Variants in RLN2 observed in about 807,000 individuals in gnomAD.
RLN2 encodes the protein prorelaxin H2.
A neutral mutation model predicts 7.3 loss-of-function variants in RLN2; 10 were observed. That is an observed-to-expected ratio of 1.36 (90% CI 0.84 to 2.31). RLN2 has a LOEUF of 2.31. Ranked by LOEUF, RLN2 falls within the 30% of genes most tolerant of loss-of-function variation. The pLI is 0.00. For synonymous variants in RLN2, 103 were observed against 82.3 expected, an observed-to-expected ratio of 1.25 and a Z score of -1.36; for missense variants, 298 against 217.6, an observed-to-expected ratio of 1.37 and a Z score of -2.32.
chr9:5,338,171 A>G, the RLN2 span, among the ~76,000 whole-genome samples: 10 of 109,066 alleles, frequency 9.2e-5, no homozygotes, highest in Non-Finnish European at 1.7e-4. Context: ...ATTAATGTAC[A>G]TTTGTCTTTA....
the RLN2 span, among the ~76,000 whole-genome samples, chr9:5,328,585 G>C: frequency 1.3e-5 from 2 of 151,906 alleles, no homozygotes; most frequent in Non-Finnish European, 1.5e-5. Context: ...TCCTCGAGAA[G>C]AGCAACCCCA....
chr9:5,325,462 C>G, the RLN2 span, among the ~76,000 whole-genome samples: 4 of 151,908 alleles, frequency 2.6e-5, no homozygotes, highest in Non-Finnish European at 5.9e-5. Context: ...CACAATAGAA[C>G]AAACAAGAGA....
At chr9:5,326,513 G>C in the RLN2 span, among the ~76,000 whole-genome samples, 3 of 152,144 alleles carry the variant, frequency 2.0e-5, no homozygotes, top group Admixed American at 2.0e-4. Flanking sequence ...CCAGAGTGTG[G>C]GAGCCTGGGA....
At chr9:5,304,953 CACAGAA>C, upstream of RLN2, 1 of 207,120 alleles carries the variant, frequency 4.8e-6, no homozygotes, top group Non-Finnish European at 9.9e-6. Context: ...CTTTTACACA[CACAGAA>C]ACAAATTTGA....
chr9:5,336,032 G>C, the RLN2 span, among the ~76,000 whole-genome samples: 1,839 of 151,996 alleles, frequency 0.012, 67 homozygotes, highest in African/African-American at 0.043. Context: ...TAGTAACAAC[G>C]CTTGAAAAAG....
chr9:5,335,276 T>C, the RLN2 span: 1 of 1,594,808 alleles, frequency 6.3e-7, no homozygotes, highest in Non-Finnish European at 8.5e-7. Context: ...AAGAGACCTT[T>C]TGGTACAACC....
the RLN2 span, among the ~76,000 whole-genome samples, chr9:5,317,585 C>A: frequency 1.5e-4 from 22 of 151,044 alleles, no homozygotes; most frequent in East Asian, 2.9e-3. Flanking sequence ...AAAAACCGCA[C>A]ACACATTGTA....
At chr9:5,305,287 T>C (rs1816221855), upstream of RLN2, among the ~76,000 whole-genome samples, 1 of 151,278 alleles carries the variant, frequency 6.6e-6, no homozygotes, top group Non-Finnish European at 1.5e-5. Context: ...GGGGATAAAT[T>C]TGATTGTAAC....
the RLN2 span, among the ~76,000 whole-genome samples, chr9:5,330,507 G>A: frequency 3.3e-5 from 5 of 151,352 alleles, no homozygotes; most frequent in African/African-American, 7.3e-5. Context: ...GCATGGTGGC[G>A]GGGGCCTGTA....
upstream of RLN2, among the ~76,000 whole-genome samples, chr9:5,308,815 G>C (rs1816298501): frequency 6.6e-6 from 1 of 152,018 alleles, no homozygotes; most frequent in Non-Finnish European, 1.5e-5. Flanking sequence ...GCTTATTCCT[G>C]AATAGCAAGT....
Position 5,304,625 on chromosome 9 carries a change from A to G in RLN2, c.-45T>C. On this transcript the variant is annotated 5_prime_UTR_variant, in exon 1 of 2. Transcript: ENST00000381627. ...GGAGGTCGGGACGTTGCAGCCTTTC[A>G]GGACTGCAGCTGCTGTGGCCTACAC... The G allele has an allele frequency of 6.3e-7, 1 of 1,592,404 alleles. No homozygotes were observed. The highest frequency in any genetic ancestry group is 8.6e-7 in the Non-Finnish European group (1 of 1,161,154).
At chr9:5,334,282 C>A in the RLN2 span, among the ~76,000 whole-genome samples, 1 of 151,988 alleles carries the variant, frequency 6.6e-6, no homozygotes, top group Admixed American at 6.5e-5. Flanking sequence ...TGACTCAGCC[C>A]AAAAGCTTCT....
chr9:5,331,469 A>G, the RLN2 span, among the ~76,000 whole-genome samples: 1 of 152,162 alleles, frequency 6.6e-6, no homozygotes, highest in South Asian at 2.1e-4. Context: ...CATATACACC[A>G]TGGAATACTA....
chr9:5,331,794 T>C, the RLN2 span, among the ~76,000 whole-genome samples: 1 of 152,036 alleles, frequency 6.6e-6, no homozygotes, highest in Non-Finnish European at 1.5e-5. Context: ...TGTGCACATG[T>C]ACCCTAGAAC....
chr9:5,317,846 T>C, the RLN2 span, among the ~76,000 whole-genome samples: 7 of 152,026 alleles, frequency 4.6e-5, no homozygotes, highest in African/African-American at 1.2e-4. Context: ...TAAGATACCA[T>C]TTCTTACTCA....
the RLN2 span, among the ~76,000 whole-genome samples, chr9:5,323,734 T>C: frequency 6.6e-6 from 1 of 151,978 alleles, no homozygotes; most frequent in Non-Finnish European, 1.5e-5. Context: ...ATACTAAAAA[T>C]ATATGCAAAA....
the RLN2 span, among the ~76,000 whole-genome samples, chr9:5,313,806 T>C: frequency 6.6e-6 from 1 of 151,900 alleles, no homozygotes; most frequent in Admixed American, 6.6e-5. Context: ...CAACTACATT[T>C]AGAAGAAAAT....
chr9:5,319,360 GAC>G, the RLN2 span, among the ~76,000 whole-genome samples: 1 of 151,900 alleles, frequency 6.6e-6, no homozygotes. Context: ...AAAAGAACAA[GAC>G]GAATGGCTCA....
chr9:5,325,269 A>T, the RLN2 span, among the ~76,000 whole-genome samples: 5 of 152,100 alleles, frequency 3.3e-5, no homozygotes, highest in African/African-American at 1.2e-4. Flanking sequence ...CTCAAGTCAC[A>T]GAAACTACTG....
Sources: gnomAD v4.1 joint callset for allele counts (sites outside exome capture counted in the v4.1 genomes callset) on GRCh38, gnomAD v4.1.1 for gene constraint, MANE v1.5 for transcripts, NCBI Gene and HGNC (gene_info 2026-07-23, HGNC 2026-07-21) for gene names.